Variants in DPP6 observed in about 807,000 individuals in gnomAD.
DPP6 encodes the protein dipeptidyl peptidase like 6, also known as A-type potassium channel modulatory protein DPP6.
Under a neutral mutation model 122.6 loss-of-function variants are expected in DPP6, and 69 were observed. The observed-to-expected ratio is 0.56, with a 90% CI of 0.46 to 0.69. The LOEUF (loss-of-function observed/expected upper bound fraction) is 0.69. Ranked by LOEUF, DPP6 falls within the 30% of genes least tolerant of loss-of-function variation. The probability of loss-of-function intolerance (pLI) is 0.00; values close to 1 mark genes in which losing one functional copy is unlikely to be tolerated. For synonymous variants in DPP6, 418 were observed against 433.1 expected, an observed-to-expected ratio of 0.97 and a Z score of 0.43; for missense variants, 928 against 1,116.9, an observed-to-expected ratio of 0.83 and a Z score of 2.41.
At chr7:154,544,874 G>A (rs1469374434) in intron 4 of DPP6, among the ~76,000 whole-genome samples, 1 of 152,226 alleles carries the variant, frequency 6.6e-6, no homozygotes, top group African/African-American at 2.4e-5. Context: ...AAGAGACAGA[G>A]GATGATGATG....
At chr7:154,715,323 C>T (rs1841422551) in intron 7 of DPP6, among the ~76,000 whole-genome samples, 1 of 152,190 alleles carries the variant, frequency 6.6e-6, no homozygotes, top group East Asian at 1.9e-4. Flanking sequence ...CCTGCCTAGG[C>T]CTCCCAAAGT....
chr7:154,371,378 CAAAAAAAAAAAAAAAA>C (rs1167770083), intron 1 of DPP6, among the ~76,000 whole-genome samples: 2 of 47,704 alleles, frequency 4.2e-5, no homozygotes, highest in Admixed American at 6.6e-4. Context: ...AACTCTGTCT[CAAAAAAAAAAAAAAAA>C]AAAAAAAAAA....
chr7:154,587,878 TGGA>T (rs752862107), intron 5 of DPP6: 1 of 1,612,868 alleles, frequency 6.2e-7, no homozygotes, highest in Non-Finnish European at 8.5e-7. Context: ...AGATATTCCA[TGGA>T]GACCCTGGCT....
chr7:154,365,960 A>AC (rs1461945751), intron 1 of DPP6, among the ~76,000 whole-genome samples: 1 of 147,218 alleles, frequency 6.8e-6, no homozygotes, highest in African/African-American at 2.6e-5. Flanking sequence ...TCCGTCTCAA[A>AC]AAAAAAAAAA....
At chr7:154,298,037 T>G (rs1805655489) in intron 1 of DPP6, among the ~76,000 whole-genome samples, 1 of 152,020 alleles carries the variant, frequency 6.6e-6, no homozygotes, top group Non-Finnish European at 1.5e-5. Flanking sequence ...GGACATGGAG[T>G]AGAGCAGGTC....
At chr7:154,030,002 C>T (rs965633622) in intron 1 of DPP6, among the ~76,000 whole-genome samples, 7 of 152,140 alleles carry the variant, frequency 4.6e-5, no homozygotes, top group South Asian at 2.1e-4. Flanking sequence ...TTGAAACCAG[C>T]CTGGGCAACA....
chr7:153,824,805 G>C, the DPP6 span, among the ~76,000 whole-genome samples: 1 of 152,108 alleles, frequency 6.6e-6, no homozygotes, highest in African/African-American at 2.4e-5. Flanking sequence ...AGTCAGCTGA[G>C]TATTTCTTTG....
At chr7:154,622,171 T>C (rs1834730254) in intron 5 of DPP6, among the ~76,000 whole-genome samples, 1 of 152,194 alleles carries the variant, frequency 6.6e-6, no homozygotes, top group Non-Finnish European at 1.5e-5. Context: ...TGGTGATGCC[T>C]GTTTTCCCAA....
intron 1 of DPP6, among the ~76,000 whole-genome samples, chr7:154,130,017 A>G (rs901743715): frequency 6.6e-6 from 1 of 150,560 alleles, no homozygotes; most frequent in Non-Finnish European, 1.5e-5. Context: ...CGGAGGTTGC[A>G]GTGGGAGGTT....
the DPP6 span, among the ~76,000 whole-genome samples, chr7:153,759,371 T>G: frequency 6.6e-6 from 1 of 151,612 alleles, no homozygotes; most frequent in Admixed American, 6.6e-5. Context: ...CAGGCTGGAG[T>G]GCAGTGGCCC....
intron 5 of DPP6, among the ~76,000 whole-genome samples, chr7:154,589,479 G>A (rs1237032356): frequency 6.6e-6 from 1 of 152,158 alleles, no homozygotes; most frequent in African/African-American, 2.4e-5. Flanking sequence ...CCCATCTGCT[G>A]AATCTCATTC....
chr7:154,687,531 T>G (rs925100458), intron 7 of DPP6, among the ~76,000 whole-genome samples: 14 of 152,202 alleles, frequency 9.2e-5, no homozygotes, highest in African/African-American at 3.4e-4. Context: ...TTTAACCTAT[T>G]TTTCCTTCGG....
chr7:154,750,489 C>T (rs946245452), intron 8 of DPP6, among the ~76,000 whole-genome samples: 1 of 152,174 alleles, frequency 6.6e-6, no homozygotes, highest in African/African-American at 2.4e-5. Context: ...GCACTGAGTG[C>T]GTGGGAAGGC....
chr7:153,836,331 G>C, the DPP6 span, among the ~76,000 whole-genome samples: 2 of 152,118 alleles, frequency 1.3e-5, no homozygotes, highest in African/African-American at 4.8e-5. Flanking sequence ...GCTAGAGTGA[G>C]CATTTGTACG....
chr7:153,870,367 T>G, the DPP6 span, among the ~76,000 whole-genome samples: 1 of 152,336 alleles, frequency 6.6e-6, no homozygotes, highest in South Asian at 2.1e-4. Flanking sequence ...TTCTTTTTTC[T>G]CTAAACTTCT....
At chr7:154,516,086 G>A (rs1455507207) in intron 3 of DPP6, among the ~76,000 whole-genome samples, 3 of 152,074 alleles carry the variant, frequency 2.0e-5, no homozygotes, top group African/African-American at 4.8e-5. Flanking sequence ...CAGGTCTGGG[G>A]ATAGTCCAGT....
At chr7:154,143,503 A>G (rs936117827) in intron 1 of DPP6, among the ~76,000 whole-genome samples, 31 of 151,688 alleles carry the variant, frequency 2.0e-4, no homozygotes, top group Non-Finnish European at 4.4e-5. Context: ...TGTAAATTAC[A>G]GGTAAACAAA....
intron 1 of DPP6, among the ~76,000 whole-genome samples, chr7:154,034,934 C>A (rs952819494): frequency 6.6e-6 from 1 of 150,876 alleles, no homozygotes; most frequent in African/African-American, 2.4e-5. Flanking sequence ...ATCTATTCAA[C>A]CCAGATGGAA....
chr7:154,295,948 T>C (rs1024096750), intron 1 of DPP6, among the ~76,000 whole-genome samples: 6 of 106,904 alleles, frequency 5.6e-5, no homozygotes, highest in Non-Finnish European at 8.8e-5. Flanking sequence ...TTGCTTCTTT[T>C]TTTTTTTTTT....
Sources: gnomAD v4.1 joint callset for allele counts (sites outside exome capture counted in the v4.1 genomes callset) on GRCh38, gnomAD v4.1.1 for gene constraint, MANE v1.5 for transcripts, NCBI Gene and HGNC (gene_info 2026-07-23, HGNC 2026-07-21) for gene names.